Variants in PELO observed in about 807,000 individuals in gnomAD.
PELO encodes pelota mRNA surveillance and ribosome rescue factor, also known as protein pelota homolog.
Under a neutral mutation model 25.9 loss-of-function variants are expected in PELO, and 19 were observed. The observed-to-expected ratio is 0.73, with a 90% CI of 0.51 to 1.08. PELO has a LOEUF of 1.08. PELO is among the 50% of genes least tolerant of loss of function. The pLI is 0.00. For synonymous variants in PELO, 196 were observed against 192.2 expected (o/e 1.02, Z -0.16); for missense variants, 498 against 491.4 (o/e 1.01, Z -0.13).
In PELO at chr5:52,801,674, G is replaced by A; in HGVS notation, c.992G>A (p.Arg331Lys). The A allele has an allele frequency of 6.2e-7, 1 of 1,614,194 alleles. No individual in the cohort carries two copies. The highest frequency in any genetic ancestry group is 8.5e-7 in the Non-Finnish European group (1 of 1,180,032). ...QDVATRSRYVRLVDSVKENAG... is the reference protein window; with the variant it reads ...QDVATRSRYVKLVDSVKENAG... ...GTAGCCACACGGAGCCGGTATGTGA[G>A]GCTGGTGGACAGTGTGAAAGAGAAT... The change falls in exon 3 of 3, where the codon AGG becomes AAG. Residue 331 changes from arginine to lysine, a missense_variant. Coordinates refer to ENST00000274311, the MANE Select transcript of PELO (RefSeq NM_015946.5).
In PELO at chr5:52,801,093, C is replaced by G; in HGVS notation, c.699C>G (p.Leu233=). 7 of 1,605,950 alleles carry G rather than the reference C, an allele frequency of 4.4e-6. No homozygotes were observed. The highest frequency in any genetic ancestry group is 6.0e-6 in the Non-Finnish European group (7 of 1,175,382). The part of the protein sequence containing the change: ...QQAVKTDNKL[L]LENRSKFLQV... Reference sequence around the variant, plus strand: ...CAGTGAAGACCGACAACAAACTGCTCCTGGAAAACCGGTCCAAATTTCTTC... The same window carrying G: ...CAGTGAAGACCGACAACAAACTGCTGCTGGAAAACCGGTCCAAATTTCTTC... Residue 233 remains leucine (L), a synonymous_variant, in exon 2 of 3, where the codon CTC becomes CTG. Coordinates refer to ENST00000274311, the MANE Select transcript of PELO (RefSeq NM_015946.5).
chr5:52,800,367 G>A lies in PELO; in HGVS notation c.-28G>A, dbSNP rs1179308951. On this transcript the variant is annotated 5_prime_UTR_variant, in exon 2 of 3. Coordinates refer to ENST00000274311, the MANE Select transcript of PELO (RefSeq NM_015946.5). Reference sequence around the variant, plus strand: ...GGTGAGGACCTCCTTGGTTCCTTTGGTTCTGTCAGTGAGCCCCTTCCTTGG... The same window carrying A: ...GGTGAGGACCTCCTTGGTTCCTTTGATTCTGTCAGTGAGCCCCTTCCTTGG... The A allele has an allele frequency of 6.2e-7, 1 of 1,612,822 alleles. No individual in the cohort carries two copies. The highest frequency in any genetic ancestry group is 8.5e-7 in the Non-Finnish European group (1 of 1,179,824).
chr5:52,802,260 T>C lies in PELO; in HGVS notation c.*420T>C, dbSNP rs1174098296. The C allele has an allele frequency of 6.5e-6, 1 of 154,366 alleles. No homozygotes were observed. Among genetic ancestry groups the C allele is most frequent in the Non-Finnish European group, 1.4e-5 (1 of 69,538 alleles). The allele number at this position is 154,366 out of a possible 1,614,324, so 9.6% of individuals were successfully genotyped here. A position where few individuals can be genotyped will look rare whatever the true frequency, so the allele number is the denominator to read the frequency against. On this transcript the variant is annotated 3_prime_UTR_variant, in exon 3 of 3. Coordinates refer to ENST00000274311, the MANE Select transcript of PELO (RefSeq NM_015946.5). The stretch of plus-strand genomic sequence containing the variant: ...CATTATTTCTTTATTTTAATTCTGC[T>C]TGGTGTTCTTGCATTGCATTTAATG...
rs1440293105 is a variant in PELO, at chr5:52,793,014, T to A, written c.-511+4600T>A. Among the ~76,000 whole-genome samples the A allele has an allele frequency of 2.0e-5, 3 of 152,110 alleles. No individual in the cohort carries two copies. In the East Asian group the frequency reaches 5.8e-4, roughly 29 times the overall value. The stretch of plus-strand genomic sequence containing the variant: ...TATGCCAGCTACTCTAAAGTCTCCT[T>A]GGGGACTTTGCATAAGTAGTTACTC... On this transcript the variant is annotated intron_variant, in intron 1 of 2. Transcript: ENST00000274311.
Position 52,800,575 on chromosome 5 carries a change from G to C in PELO, c.181G>C (p.Val61Leu). Reference protein sequence around the residue: ...SSTGSVGSNRVRTTLTLCVEA... With the variant: ...SSTGSVGSNRLRTTLTLCVEA... ...CACGGGCAGCGTGGGCAGCAACCGGGTCCGCACTACCCTCACTCTCTGCGT... is the reference window on the plus strand; with the variant it reads ...CACGGGCAGCGTGGGCAGCAACCGGCTCCGCACTACCCTCACTCTCTGCGT... The change falls in exon 2 of 3, where the codon GTC becomes CTC. Residue 61 changes from valine to leucine, a missense_variant. Physicochemically the swap from Val to Leu is conservative, Grantham distance 32. Coordinates refer to ENST00000274311, the MANE Select transcript of PELO (RefSeq NM_015946.5). The C allele has an allele frequency of 1.2e-6, 2 of 1,613,652 alleles. No homozygotes were observed. The highest frequency in any genetic ancestry group is 1.7e-6 in the Non-Finnish European group (2 of 1,179,732).
chr5:52,802,114 ATG>A lies in PELO; in HGVS notation c.*280_*281del. 3.0e-6 allele frequency: 1 copy of A among 330,988 alleles called. No individual in the cohort carries two copies. Among genetic ancestry groups the A allele is most frequent in the Non-Finnish European group, 5.6e-6 (1 of 179,250 alleles). The allele number at this position is 330,988 out of a possible 1,614,324, so 20.5% of individuals were successfully genotyped here. On this transcript the variant is annotated 3_prime_UTR_variant, in exon 3 of 3. Transcript: ENST00000274311. ...TATCTGTAGTACTTGGAAACAGAAA[ATG>A]TGTGTATTTAAAGACGATGCCTATG...
intron 1 of PELO, 80 bp downstream of exon 1, chr5:52,788,494 T>C (rs1441397590): frequency 2.4e-5 from 29 of 1,196,134 alleles, no homozygotes; most frequent in East Asian, 3.2e-5. Context: ...CTCAGAGCCA[T>C]GGGCCAGATA....
chr5:52,803,246 A>G lies in PELO; in HGVS notation c.*1406A>G, dbSNP rs113037250. 4.9e-4 allele frequency: 74 copies of G among 152,296 alleles called. No individual in the cohort carries two copies. Among genetic ancestry groups the G allele is most frequent in the African/African-American group, 1.8e-3 (73 of 41,562 alleles). The allele number at this position is 152,296 out of a possible 1,614,324, so 9.4% of individuals were successfully genotyped here. Reference sequence around the variant, plus strand: ...GGGAACTGACACTTCCCTATACTTTAAAACTCACATATGTATATTTTTGTA... The same window carrying G: ...GGGAACTGACACTTCCCTATACTTTGAAACTCACATATGTATATTTTTGTA... On this transcript the variant is annotated 3_prime_UTR_variant, in exon 3 of 3. Transcript: ENST00000274311.
At position 52,800,815 on chromosome 5, in the gene PELO, G is replaced by A. The variant is rs1748461482; in HGVS notation, c.421G>A (p.Val141Ile). The change falls in exon 2 of 3, where the codon GTC becomes ATC. Residue 141 changes from valine (V) to isoleucine (I), a missense_variant. Val to Ile is a conservative substitution (Grantham distance 29). Transcript: ENST00000274311. ...CTGGAGCGCTGATGTGGCGGCTGTGGTCATGCAGGAAGGCCTCGCCCATAT... is the reference window on the plus strand; with the variant it reads ...CTGGAGCGCTGATGTGGCGGCTGTGATCATGCAGGAAGGCCTCGCCCATAT... ...PAWSADVAAV[V>I]MQEGLAHICL... The A allele has an allele frequency of 1.2e-6, 2 of 1,611,354 alleles. No homozygotes were observed. Among genetic ancestry groups the A allele is most frequent in the Admixed American group, 1.7e-5 (1 of 59,836 alleles).
intron 1 of PELO, 70 bp downstream of exon 1, chr5:52,788,484 C>A: frequency 7.8e-7 from 1 of 1,289,210 alleles, no homozygotes; most frequent in Non-Finnish European, 1.0e-6. Flanking sequence ...GAGGGAGGTC[C>A]TCAGAGCCAT....
chr5:52,794,322 A>G (rs1192837916), intron 1 of PELO, among the ~76,000 whole-genome samples: 1 of 152,022 alleles, frequency 6.6e-6, no homozygotes, highest in Non-Finnish European at 1.5e-5. Context: ...TATCCTTACT[A>G]CAAATTAAAT....
Position 52,803,966 on chromosome 5 carries a change from T to A in PELO, c.*2126T>A, listed in dbSNP as rs1011152893. The A allele has an allele frequency of 3.3e-5, 5 of 152,210 alleles. No individual in the cohort carries two copies. Among genetic ancestry groups the A allele is most frequent in the Non-Finnish European group, 5.9e-5 (4 of 68,024 alleles). 9.4% of individuals were successfully genotyped at this position (152,210 alleles called of 1,614,324 possible). On this transcript the variant is annotated 3_prime_UTR_variant, in exon 3 of 3. Transcript: ENST00000274311. ...AAAAAGTTAACTGGCCATACTCAAC[T>A]GTCTATAAAACCTCTATAAATTTCT...
chr5:52,790,236 A>G (rs572774065), intron 1 of PELO, among the ~76,000 whole-genome samples: 35 of 152,246 alleles, frequency 2.3e-4, no homozygotes, highest in Admixed American at 2.1e-3. Flanking sequence ...CATTTTTACT[A>G]TATCTGTTTT....
intron 1 of PELO, among the ~76,000 whole-genome samples, chr5:52,788,953 G>T (rs1299177107): frequency 1.3e-5 from 2 of 152,158 alleles, no homozygotes; most frequent in African/African-American, 4.8e-5. Flanking sequence ...ATGTTTCTAT[G>T]TCAGCACCCA....
At chr5:52,790,933 T>G (rs1192484958) in intron 1 of PELO, among the ~76,000 whole-genome samples, 1 of 152,206 alleles carries the variant, frequency 6.6e-6, no homozygotes, top group Admixed American at 6.5e-5. Flanking sequence ...ATGACCTTGT[T>G]TTATACATCG....
chr5:52,801,298 TC>T (rs1303885598), intron 2 of PELO, 110 bp from the exon 3 acceptor site: 2 of 1,146,132 alleles, frequency 1.7e-6, no homozygotes, highest in African/African-American at 3.1e-5. Context: ...GGAGTAAACT[TC>T]GCTGAAACAT....
rs1748154599 is a variant in PELO at position 52,787,958 on chromosome 5, A to T, written c.-967A>T. 1.1e-5 allele frequency: 2 copies of T among 177,272 alleles called. No homozygotes were observed. The highest frequency in any genetic ancestry group is 4.7e-5 in the African/African-American group (2 of 42,542). The allele number at this position is 177,272 out of a possible 1,614,324, so 11.0% of individuals were successfully genotyped here. ...CTTAGGGGATTTGGCCCGGAGAACG[A>T]GATCACCCTCTCAATGAAAGGCAGA... On this transcript the variant is annotated 5_prime_UTR_variant, in exon 1 of 3. Coordinates refer to ENST00000274311, the MANE Select transcript of PELO (RefSeq NM_015946.5).
Position 52,799,994 on chromosome 5 carries a change from C to A in PELO, c.-401C>A, listed in dbSNP as rs1453618364. 1 of 261,842 alleles carries A rather than the reference C, an allele frequency of 3.8e-6. No homozygotes were observed. Among genetic ancestry groups the A allele is most frequent in the African/African-American group, 2.3e-5 (1 of 44,164 alleles). The allele number at this position is 261,842 out of a possible 1,614,324, so 16.2% of individuals were successfully genotyped here. A position where few individuals can be genotyped will look rare whatever the true frequency, so the allele number is the denominator to read the frequency against. On this transcript the variant is annotated 5_prime_UTR_variant, in exon 2 of 3. Transcript: ENST00000274311. The stretch of plus-strand genomic sequence containing the variant: ...GAGTTCATTCGTCCGGAGCGCCTCA[C>A]AGCTTAGTGCGCCTGCGCACGCGCG...
At chr5:52,801,260 G>A in intron 2 of PELO, 140 bp downstream of exon 2, 1 of 1,151,060 alleles carries the variant, frequency 8.7e-7, no homozygotes, top group South Asian at 1.6e-5. Context: ...GAAATAAAAA[G>A]AGAATGTTAA....
Sources: gnomAD v4.1 joint callset for allele counts (sites outside exome capture counted in the v4.1 genomes callset) on GRCh38, gnomAD v4.1.1 for gene constraint, MANE v1.5 for transcripts, NCBI Gene and HGNC (gene_info 2026-07-23, HGNC 2026-07-21) for gene names.